TMTC2: variants seen among roughly 807,000 people sequenced by gnomAD.
The protein encoded by TMTC2 is protein O-mannosyl-transferase TMTC2.
In TMTC2, 43 loss-of-function variants were observed where a neutral mutation model predicts 82.4. That is an observed-to-expected ratio of 0.52 (90% CI 0.41 to 0.67). The LOEUF is 0.67. Among genes scored for constraint, TMTC2 ranks in the 30% least tolerant of loss-of-function variants. TMTC2 has a pLI of 0.00. For missense variants in TMTC2, 919 were observed against 1,012.4 expected (o/e 0.91, Z 1.25); for synonymous variants, 408 against 381.9 (o/e 1.07, Z -0.80).
chr12:82,920,916 G>A (rs1009398592), intron 3 of TMTC2, among the ~76,000 whole-genome samples: 4 of 152,026 alleles, frequency 2.6e-5, no homozygotes, highest in Non-Finnish European at 5.9e-5. Flanking sequence ...TGTTTACGTA[G>A]GCAGGATATG....
rs370156462 is a variant in TMTC2, at chr12:82,949,128, G to A, written c.1599-15896G>A. Among the ~76,000 whole-genome samples the A allele has an allele frequency of 9.5e-4, 144 of 152,318 alleles. 1 individual carries two copies. The highest frequency in any genetic ancestry group is 3.4e-3 in the Middle Eastern group (1 of 294). ...TTTTGGCCTATGCTTGTATTCCAGC[G>A]TAGGAGTTCCTCTGCAGTGGTTACA... is the stretch of plus-strand genomic sequence containing the variant. On this transcript the variant is annotated intron_variant, in intron 4 of 11. Coordinates refer to ENST00000321196, the MANE Select transcript of TMTC2 (RefSeq NM_152588.3).
At chr12:82,945,746 G>A (rs2137269797) in intron 4 of TMTC2, among the ~76,000 whole-genome samples, 1 of 152,240 alleles carries the variant, frequency 6.6e-6, no homozygotes, top group South Asian at 2.1e-4. Context: ...TCCAATTACT[G>A]TGAGTTAAGA....
At chr12:82,814,577 G>A (rs1175610084) in intron 1 of TMTC2, among the ~76,000 whole-genome samples, 2 of 152,136 alleles carry the variant, frequency 1.3e-5, no homozygotes, top group African/African-American at 4.8e-5. Context: ...ATTCACGGAG[G>A]ATTATAAAGG....
intron 1 of TMTC2, among the ~76,000 whole-genome samples, chr12:82,738,822 G>T (rs373566632): frequency 2.0e-5 from 3 of 152,174 alleles, no homozygotes; most frequent in South Asian, 4.2e-4. Context: ...TTAGTAAAAT[G>T]TTATTTAATA....
chr12:82,986,720 C>T (rs1374946031), intron 8 of TMTC2: 1 of 152,274 alleles, frequency 6.6e-6, no homozygotes, highest in Non-Finnish European at 1.5e-5. Context: ...CCCTTGGAGG[C>T]CACCATTTCA....
At chr12:82,938,638 T>A (rs1372267762) in intron 4 of TMTC2, among the ~76,000 whole-genome samples, 1 of 152,180 alleles carries the variant, frequency 6.6e-6, no homozygotes, top group African/African-American at 2.4e-5. Flanking sequence ...GGTGTACAAC[T>A]CAGCCGGCCC....
At chr12:83,018,816 G>A (rs1880792683) in intron 8 of TMTC2, among the ~76,000 whole-genome samples, 1 of 152,120 alleles carries the variant, frequency 6.6e-6, no homozygotes, top group African/African-American at 2.4e-5. Flanking sequence ...AGGAGAGTAC[G>A]CATTTAAGAA....
intron 1 of TMTC2, among the ~76,000 whole-genome samples, chr12:82,827,572 A>G (rs899321693): frequency 6.6e-6 from 1 of 152,200 alleles, no homozygotes; most frequent in Admixed American, 6.5e-5. Context: ...GAAGATCTAG[A>G]GTTTTAAAGA....
intron 11 of TMTC2, among the ~76,000 whole-genome samples, chr12:83,122,020 G>A (rs371433734): frequency 5.9e-5 from 9 of 152,062 alleles, no homozygotes; most frequent in African/African-American, 9.7e-5. Flanking sequence ...CAACAGCACC[G>A]AGTCTGTTTC....
chr12:83,072,063 G>A (rs1260275291), intron 11 of TMTC2, among the ~76,000 whole-genome samples: 5 of 151,928 alleles, frequency 3.3e-5, no homozygotes, highest in African/African-American at 1.2e-4. Context: ...GATTTGGTTT[G>A]TTCTTGTTTC....
At chr12:82,736,237 C>T (rs1159675283) in intron 1 of TMTC2, among the ~76,000 whole-genome samples, 1 of 152,072 alleles carries the variant, frequency 6.6e-6, no homozygotes, top group East Asian at 1.9e-4. Flanking sequence ...AGGTTAACAT[C>T]CTAGCATTCT....
intron 8 of TMTC2, among the ~76,000 whole-genome samples, chr12:83,029,710 A>G (rs996657644): frequency 1.3e-5 from 2 of 152,170 alleles, no homozygotes; most frequent in African/African-American, 4.8e-5. Context: ...GCAAGTGCTT[A>G]TTAGGGTTGT....
chr12:82,857,470 A>G lies in TMTC2; in HGVS notation c.544A>G (p.Ser182Gly), dbSNP rs1417860404. ...GGGGTCAGGACTGTGCGCAGGATGCAGCATGTTGTGGAAGGAACAAGGAGT... is the reference window on the plus strand; with the variant it reads ...GGGGTCAGGACTGTGCGCAGGATGCGGCATGTTGTGGAAGGAACAAGGAGT... Reference protein sequence around the residue: ...FLGSGLCAGCSMLWKEQGVTV... With the variant: ...FLGSGLCAGCGMLWKEQGVTV... Residue 182 changes from serine to glycine, a missense_variant, in exon 2 of 12, where the codon AGC becomes GGC. Transcript: ENST00000321196. 1 of 1,614,242 alleles carries G rather than the reference A, an allele frequency of 6.2e-7. No homozygotes were observed. The highest frequency in any genetic ancestry group is 1.1e-5 in the South Asian group (1 of 91,078).
intron 2 of TMTC2, among the ~76,000 whole-genome samples, chr12:82,868,780 G>A (rs1214210566): frequency 6.7e-6 from 1 of 149,498 alleles, no homozygotes; most frequent in African/African-American, 2.5e-5. Context: ...AGGCAATGTT[G>A]TTGCAGCTGA....
intron 4 of TMTC2, among the ~76,000 whole-genome samples, chr12:82,951,849 C>G (rs80266624): frequency 0.085 from 12,890 of 152,080 alleles, 681 homozygotes; most frequent in African/African-American, 0.13. Flanking sequence ...CCAAAACACT[C>G]TTAGTTAAAA....
In TMTC2 at chr12:82,996,407, C is replaced by T. The variant is rs539051391; in HGVS notation, c.2070+10361C>T. Among the ~76,000 whole-genome samples the T allele has an allele frequency of 9.9e-5, 15 of 152,226 alleles. 1 individual carries two copies. The South Asian group carries it at 2.9e-3, about 30-fold the overall frequency. ...CCAGAGCACCTGAGCACTTACCTGC[C>T]TAGTAATTGATTTCTTCTCACAGTG... On this transcript the variant is annotated intron_variant, in intron 8 of 11. Transcript: ENST00000321196.
chr12:83,030,547 C>G (rs939306456), intron 8 of TMTC2, among the ~76,000 whole-genome samples: 7 of 152,064 alleles, frequency 4.6e-5, no homozygotes, highest in African/African-American at 1.7e-4. Flanking sequence ...TCTTGCTTTC[C>G]TGGCCTGATC....
At chr12:82,849,250 T>A (rs1461275160) in intron 1 of TMTC2, among the ~76,000 whole-genome samples, 1 of 152,088 alleles carries the variant, frequency 6.6e-6, no homozygotes, top group East Asian at 1.9e-4. Context: ...ATTTGTTGCA[T>A]GCCTAAGATG....
chr12:83,087,601 A>ATTC (rs900580223), intron 11 of TMTC2, among the ~76,000 whole-genome samples: 6 of 151,806 alleles, frequency 4.0e-5, no homozygotes, highest in Non-Finnish European at 8.8e-5. Flanking sequence ...ATTGTGTTAC[A>ATTC]GAAAGGTAAA....
Sources: allele counts gnomAD v4.1 joint callset (sites outside exome capture counted in the v4.1 genomes callset), GRCh38; gene constraint gnomAD v4.1.1; transcripts MANE v1.5; gene names NCBI Gene and HGNC (gene_info 2026-07-23, HGNC 2026-07-21).